MID2: variants seen among roughly 807,000 people sequenced by gnomAD.
MID2 encodes probable E3 ubiquitin-protein ligase MID2.
In MID2, 13 loss-of-function variants were observed where a neutral mutation model predicts 46.1. The ratio of observed to expected loss-of-function variants is 0.28; its 90% CI spans 0.18 to 0.45. MID2 has a LOEUF of 0.45. Ranked by LOEUF, MID2 falls within the 20% of genes least tolerant of loss-of-function variation. The pLI is 1.00. For missense variants in MID2, 431 were observed against 575.4 expected (o/e 0.75, Z 2.57); for synonymous variants, 199 against 212.3 (o/e 0.94, Z 0.55).
intron 1 of MID2, among the ~76,000 whole-genome samples, chrX:107,835,910 G>T (rs753366717): frequency 2.7e-5 from 3 of 112,118 alleles, no homozygotes; most frequent in Non-Finnish European, 5.6e-5. Flanking sequence ...TGCTTTTGGT[G>T]TCATCTGAGA....
At chrX:107,909,117 A>T (rs185436110) in intron 5 of MID2, among the ~76,000 whole-genome samples, 1 of 111,796 alleles carries the variant, frequency 8.9e-6, no homozygotes, top group Admixed American at 9.5e-5. Context: ...ATTCCTATAA[A>T]TATTCTTAAA....
intron 3 of MID2, among the ~76,000 whole-genome samples, chrX:107,862,711 A>G (rs928475876): frequency 2.7e-5 from 3 of 112,431 alleles, no homozygotes; most frequent in African/African-American, 9.7e-5. Context: ...AGGGAGGGTC[A>G]CATGCTTTCA....
intron 3 of MID2, among the ~76,000 whole-genome samples, chrX:107,897,281 T>A (rs1932754268): frequency 9.0e-6 from 1 of 111,357 alleles, no homozygotes; most frequent in South Asian, 3.8e-4. Context: ...ACCTCTACTC[T>A]CCTAATCCCT....
chrX:107,926,607 G>T, intron 9 of MID2, 64 bp from the exon 10 acceptor site: 3 of 1,008,892 alleles, frequency 3.0e-6, no homozygotes, highest in Non-Finnish European at 4.1e-6. Flanking sequence ...ATCATATATG[G>T]TGTCTTACAC....
intron 7 of MID2, among the ~76,000 whole-genome samples, chrX:107,918,443 T>C (rs910100125): frequency 1.8e-5 from 2 of 111,863 alleles, no homozygotes; most frequent in African/African-American, 6.5e-5. Flanking sequence ...AACATCTCCA[T>C]AGCTGCAAAT....
rs146702010 is a variant in MID2, at chrX:107,878,640, C to T, written c.816+23936C>T. Among the ~76,000 whole-genome samples, 634 of 112,000 alleles carry T rather than the reference C, an allele frequency of 5.7e-3. 4 individuals are homozygous for T. The highest frequency in any genetic ancestry group is 0.019 in the African/African-American group (598 of 30,807). On this transcript the variant is annotated intron_variant, in intron 3 of 9. Transcript: ENST00000262843. ...CAGTTCAGGGGCCTTCTGGCAACAA[C>T]GAGGAGTGGCATTGGCCAGATGCCT... is the stretch of plus-strand genomic sequence containing the variant.
chrX:107,846,599 CT>C (rs1268403068), intron 2 of MID2, among the ~76,000 whole-genome samples: 4 of 111,618 alleles, frequency 3.6e-5, no homozygotes, highest in Admixed American at 2.8e-4. Context: ...TTCATTTCAT[CT>C]CTACCCAAAC....
chrX:107,894,207 T>A (rs957381407), intron 3 of MID2, among the ~76,000 whole-genome samples: 3 of 111,534 alleles, frequency 2.7e-5, no homozygotes, highest in Admixed American at 9.5e-5. Context: ...TTTTTTTTTT[T>A]ATACCCAGCA....
intron 8 of MID2, 29 bp from the exon 9 acceptor site, chrX:107,926,065 T>C (rs1348759202): frequency 9.3e-7 from 1 of 1,074,322 alleles, no homozygotes; most frequent in Non-Finnish European, 1.3e-6. Flanking sequence ...TAGTGCTTTT[T>C]CTTTTTTTTT....
In MID2 at chrX:107,927,635, A is replaced by G. The variant is rs188432176; in HGVS notation, c.*562A>G. On this transcript the variant is annotated 3_prime_UTR_variant, in exon 10 of 10. Transcript: ENST00000262843. ...GTACTTTATATATATTCACTTGTGTATGTATGTTTATGCATATTCACTTTA... is the reference window on the plus strand; with the variant it reads ...GTACTTTATATATATTCACTTGTGTGTGTATGTTTATGCATATTCACTTTA... Among the ~76,000 whole-genome samples, 1 of 112,205 alleles carries G rather than the reference A, an allele frequency of 8.9e-6. No homozygotes were observed. Among genetic ancestry groups the G allele is most frequent in the East Asian group, 2.8e-4 (1 of 3,602 alleles).
intron 3 of MID2, among the ~76,000 whole-genome samples, chrX:107,893,899 C>T (rs1050795428): frequency 3.5e-5 from 4 of 112,896 alleles, no homozygotes; most frequent in African/African-American, 6.4e-5. Context: ...AATATTTAAG[C>T]GCATTTCTGC....
chrX:107,873,239 T>C (rs1364989369), intron 3 of MID2, among the ~76,000 whole-genome samples: 1 of 112,200 alleles, frequency 8.9e-6, no homozygotes, highest in Non-Finnish European at 1.9e-5. Flanking sequence ...AAGGTATCTA[T>C]CCACACTAGG....
chrX:107,927,861 C>G lies in MID2; in HGVS notation c.*788C>G, dbSNP rs1052577053. ...CTATCCATCATTGCCTTCCTCCCTC[C>G]TGTCACGCACACATACACATGCAAC... On this transcript the variant is annotated 3_prime_UTR_variant, in exon 10 of 10. Coordinates refer to ENST00000262843, the MANE Select transcript of MID2 (RefSeq NM_012216.4). Among the ~76,000 whole-genome samples the G allele has an allele frequency of 9.0e-6, 1 of 111,398 alleles. No homozygotes were observed. The highest frequency in any genetic ancestry group is 1.9e-5 in the Non-Finnish European group (1 of 53,046).
intron 1 of MID2, among the ~76,000 whole-genome samples, chrX:107,840,387 C>A (rs886769004): frequency 1.8e-5 from 2 of 111,849 alleles, no homozygotes; most frequent in African/African-American, 6.5e-5. Flanking sequence ...ATGATCCATG[C>A]AAATATTGTG....
chrX:107,895,259 A>T (rs1932704686), intron 3 of MID2: 1 of 108,946 alleles, frequency 9.2e-6, no homozygotes, highest in Non-Finnish European at 1.9e-5. Flanking sequence ...ACATTTATAG[A>T]TTCTTGTAAT....
At chrX:107,849,107 G>A (rs1326450160) in intron 2 of MID2, among the ~76,000 whole-genome samples, 1 of 112,136 alleles carries the variant, frequency 8.9e-6, no homozygotes, top group African/African-American at 3.2e-5. Context: ...CCACATAAAA[G>A]CAGTCAGGAT....
chrX:107,906,425 C>T (rs756100719), intron 5 of MID2, among the ~76,000 whole-genome samples: 3 of 111,837 alleles, frequency 2.7e-5, no homozygotes, highest in Non-Finnish European at 5.6e-5. Flanking sequence ...TTAACATCCC[C>T]TCCAACAGTG....
chrX:107,827,849 C>G (rs907270661), intron 1 of MID2, among the ~76,000 whole-genome samples: 1 of 109,454 alleles, frequency 9.1e-6, no homozygotes, highest in Non-Finnish European at 1.9e-5. Flanking sequence ...ATGAACTTAA[C>G]ATGGATATGT....
intron 5 of MID2, among the ~76,000 whole-genome samples, chrX:107,906,303 G>A (rs1365728916): frequency 2.7e-5 from 3 of 111,195 alleles, no homozygotes; most frequent in Non-Finnish European, 5.7e-5. Context: ...ATTCATTGAA[G>A]ACCTTGGCTC....
Sources: gnomAD v4.1 joint callset for allele counts (sites outside exome capture counted in the v4.1 genomes callset) on GRCh38, gnomAD v4.1.1 for gene constraint, MANE v1.5 for transcripts, NCBI Gene and HGNC (gene_info 2026-07-23, HGNC 2026-07-21) for gene names.